The following SMU1 variants were observed in gnomAD, a reference collection of about 807,000 sequenced individuals.
The protein encoded by SMU1 is SMU1 DNA replication regulator and spliceosomal factor.
Under a neutral mutation model 62.0 loss-of-function variants are expected in SMU1, and 2 were observed. The ratio of observed to expected loss-of-function variants is 0.03; its 90% CI spans 0.01 to 0.10. The LOEUF is 0.10. Among genes scored for constraint, SMU1 ranks in the 10% least tolerant of loss-of-function variants. The pLI is 1.00. For missense variants in SMU1, 227 were observed against 622.1 expected, an observed-to-expected ratio of 0.36 and a Z score of 6.76; for synonymous variants, 188 against 212.4, an observed-to-expected ratio of 0.89 and a Z score of 1.00.
intron 2 of SMU1, among the ~76,000 whole-genome samples, chr9:33,073,297 C>A (rs1457126781): frequency 6.6e-6 from 1 of 151,906 alleles, no homozygotes; most frequent in Non-Finnish European, 1.5e-5. Flanking sequence ...ACTCAGGAGG[C>A]TGAGGCAGGA....
At chr9:33,062,260 G>A in intron 4 of SMU1, 83 bp from the exon 5 acceptor site, 1 of 1,509,358 alleles carries the variant, frequency 6.6e-7, no homozygotes, top group East Asian at 2.3e-5. Context: ...AAGCCCGAAA[G>A]GATGAGGTTC....
At position 33,076,622 on chromosome 9, in the gene SMU1, C is replaced by G. The variant is rs1274577086; in HGVS notation, c.-14G>C. 6.2e-7 allele frequency: 1 copy of G among 1,613,906 alleles called. No homozygotes were observed. Among genetic ancestry groups the G allele is most frequent in the Admixed American group, 1.7e-5 (1 of 60,020 alleles). ...TTCGATCGACATAGCCGTATCTCTC[C>G]GGGAGCAGGCCCCAGCTCTCCCTCA... On this transcript the variant is annotated 5_prime_UTR_variant, in exon 1 of 12. Transcript: ENST00000397149.
In SMU1 at chr9:33,048,011, A is replaced by T. The variant is rs1839204968; in HGVS notation, c.1443+95T>A. 3 of 1,117,640 alleles carry T rather than the reference A, an allele frequency of 2.7e-6. No individual in the cohort carries two copies. In the South Asian group the frequency reaches 4.9e-5, roughly 18 times the overall value. The allele number at this position is 1,117,640 out of a possible 1,614,324, so 69.2% of individuals were successfully genotyped here. A position where few individuals can be genotyped will look rare whatever the true frequency, so the allele number is the denominator to read the frequency against. On this transcript the variant is annotated intron_variant, in intron 11 of 11. Coordinates refer to ENST00000397149, the MANE Select transcript of SMU1 (RefSeq NM_018225.3). ...AACAACATATTTTATACTGAGGGTCACATCGATAGCTCTGGAAAAGGCACA... is the reference window on the plus strand; with the variant it reads ...AACAACATATTTTATACTGAGGGTCTCATCGATAGCTCTGGAAAAGGCACA...
At position 33,049,405 on chromosome 9, in the gene SMU1, C is replaced by A. The variant is rs553365431; in HGVS notation, c.1291-1147G>T. On this transcript the variant is annotated intron_variant, in intron 10 of 11. Transcript: ENST00000397149. Reference sequence around the variant, plus strand: ...ACATGCAAGAAAATGTATCTAGACACAATAAAATAAAGACCTTACAGTCTT... The same window carrying A: ...ACATGCAAGAAAATGTATCTAGACAAAATAAAATAAAGACCTTACAGTCTT... Among the ~76,000 whole-genome samples the A allele has an allele frequency of 7.2e-5, 11 of 152,228 alleles. No homozygotes were observed. In the East Asian group the frequency reaches 1.9e-3, roughly 27 times the overall value.
At chr9:33,058,878 GTA>G (rs1457091329) in intron 6 of SMU1, among the ~76,000 whole-genome samples, 3 of 152,070 alleles carry the variant, frequency 2.0e-5, no homozygotes, top group Non-Finnish European at 2.9e-5. Context: ...TATTTGTAAT[GTA>G]TATTATAAAA....
chr9:33,068,225 T>C (rs148332253), intron 4 of SMU1, among the ~76,000 whole-genome samples: 9 of 152,334 alleles, frequency 5.9e-5, no homozygotes, highest in Middle Eastern at 3.4e-3. Context: ...GGACAGTTAC[T>C]ATTTGCACTT....
intron 6 of SMU1, among the ~76,000 whole-genome samples, chr9:33,059,877 G>A (rs1936854998): frequency 6.6e-6 from 1 of 152,004 alleles, no homozygotes; most frequent in African/African-American, 2.4e-5. Context: ...CTCCTAAAGT[G>A]CTGGGATTAC....
intron 3 of SMU1, among the ~76,000 whole-genome samples, chr9:33,069,763 T>C (rs949266347): frequency 6.6e-6 from 1 of 152,020 alleles, no homozygotes; most frequent in African/African-American, 2.4e-5. Flanking sequence ...GATCGTGCCA[T>C]TGCACTCCAG....
At position 33,062,159 on chromosome 9, in the gene SMU1, G is replaced by T; in HGVS notation, c.520C>A (p.His174Asn). 2 of 1,613,450 alleles carry T rather than the reference G, an allele frequency of 1.2e-6. No homozygotes were observed. The highest frequency in any genetic ancestry group is 2.2e-5 in the South Asian group (2 of 91,052). The change falls in exon 5 of 12, where the codon CAT (histidine) becomes AAT (asparagine). Residue 174 changes from histidine (H) to asparagine (N), a missense_variant. Physicochemically the swap from His to Asn is moderately conservative, Grantham distance 68. Coordinates refer to ENST00000397149, the MANE Select transcript of SMU1 (RefSeq NM_018225.3). ...LLGQALKWQQ[H>N]QGLLPPGMTI... The stretch of plus-strand genomic sequence containing the variant: ...ATACCAGGAGGAAGCAATCCCTGAT[G>T]CTGCTGCCACTTCAGTGCCTATGAG...
At chr9:33,048,310 A>T (rs749723125) in intron 10 of SMU1, 52 bp from the exon 11 acceptor site, 1 of 1,599,630 alleles carries the variant, frequency 6.3e-7, no homozygotes, top group Non-Finnish European at 8.5e-7. Flanking sequence ...TAGCAGCTCA[A>T]CCATGTGCAG....
chr9:33,072,189 T>A (rs2117877230), intron 2 of SMU1, among the ~76,000 whole-genome samples: 1 of 151,966 alleles, frequency 6.6e-6, no homozygotes, highest in Non-Finnish European at 1.5e-5. Context: ...CAAAAAAAAT[T>A]AGCTGGGTGT....
chr9:33,056,653 C>T (rs575596690), intron 8 of SMU1, among the ~76,000 whole-genome samples, 184 bp downstream of exon 8: 1 of 152,246 alleles, frequency 6.6e-6, no homozygotes, highest in South Asian at 2.1e-4. Flanking sequence ...GGTAAAAACT[C>T]AAATGACACA....
In SMU1 at chr9:33,047,161, CAA is replaced by C. The variant is rs1839194800; in HGVS notation, c.*130_*131del. 1.8e-6 allele frequency: 1 copy of C among 566,922 alleles called. No individual in the cohort carries two copies. 35.1% of individuals were successfully genotyped at this position (566,922 alleles called of 1,614,324 possible). ...GTTGCTACTTAAACATGAATTTTCA[CAA>C]AATTATTCTGTGACTAATTCAGACA... On this transcript the variant is annotated 3_prime_UTR_variant, in exon 12 of 12. Coordinates refer to ENST00000397149, the MANE Select transcript of SMU1 (RefSeq NM_018225.3).
chr9:33,043,364 T>C lies in SMU1; in HGVS notation c.*3929A>G, dbSNP rs1839146482. On this transcript the variant is annotated 3_prime_UTR_variant, in exon 12 of 12. Transcript: ENST00000397149. ...AAACTTCTGAGACTGACAGCAAGAA[T>C]TAAAACACCTTTTGTATATGCGGAA... 6.6e-6 allele frequency: 1 copy of C among 152,210 alleles called. No individual in the cohort carries two copies. Among genetic ancestry groups the C allele is most frequent in the African/African-American group, 2.4e-5 (1 of 41,456 alleles). 9.4% of individuals were successfully genotyped at this position (152,210 alleles called of 1,614,324 possible).
intron 1 of SMU1, among the ~76,000 whole-genome samples, chr9:33,075,071 C>A (rs1839530529): frequency 6.6e-6 from 1 of 152,226 alleles, no homozygotes; most frequent in Admixed American, 6.5e-5. Flanking sequence ...CCGCACCTGG[C>A]CCCTCTTCTT....
rs564912213 is a variant in SMU1, at chr9:33,041,912, G to A, written c.*5381C>T. ...AACTAAACTTAGACAAATGCATTGA[G>A]GCAGAAACAGTACCAAAGGCTGAGG... On this transcript the variant is annotated 3_prime_UTR_variant, in exon 12 of 12. Coordinates refer to ENST00000397149, the MANE Select transcript of SMU1 (RefSeq NM_018225.3). 2 of 152,292 alleles carry A rather than the reference G, an allele frequency of 1.3e-5. No homozygotes were observed. Among genetic ancestry groups the A allele is most frequent in the South Asian group, 4.1e-4 (2 of 4,828 alleles). 9.4% of individuals were successfully genotyped at this position (152,292 alleles called of 1,614,324 possible).
At chr9:33,064,837 G>A (rs1839402325) in intron 4 of SMU1, among the ~76,000 whole-genome samples, 1 of 151,914 alleles carries the variant, frequency 6.6e-6, no homozygotes, top group African/African-American at 2.4e-5. Context: ...CTGCCTCCCG[G>A]GTTCAAGTGA....
At chr9:33,064,709 C>T (rs1200800982) in intron 4 of SMU1, among the ~76,000 whole-genome samples, 2 of 151,432 alleles carry the variant, frequency 1.3e-5, no homozygotes, top group Non-Finnish European at 2.9e-5. Context: ...AACATTCTTC[C>T]TTTCCAAAGT....
At chr9:33,057,768 T>G (rs1457439365) in intron 6 of SMU1, 54 bp from the exon 7 acceptor site, 3 of 1,604,098 alleles carry the variant, frequency 1.9e-6, no homozygotes, top group Non-Finnish European at 2.5e-6. Flanking sequence ...AAGACCCCAG[T>G]TCTCTACAAA....
Sources: allele counts gnomAD v4.1 joint callset (sites outside exome capture counted in the v4.1 genomes callset), GRCh38; gene constraint gnomAD v4.1.1; transcripts MANE v1.5; gene names NCBI Gene and HGNC (gene_info 2026-07-23, HGNC 2026-07-21).